Variants in ANO1 observed in about 807,000 individuals in gnomAD.
ANO1 encodes the protein anoctamin-1.
In ANO1, 59 loss-of-function variants were observed where a neutral mutation model predicts 124.0. That is an observed-to-expected ratio of 0.48 (90% CI 0.39 to 0.59). The LOEUF (loss-of-function observed/expected upper bound fraction) is 0.59. Among genes scored for constraint, ANO1 ranks in the 20% least tolerant of loss-of-function variants. ANO1 has a pLI of 0.00. For missense variants in ANO1, 1,059 were observed against 1,328.0 expected, an observed-to-expected ratio of 0.80 and a Z score of 3.15; for synonymous variants, 529 against 532.0, an observed-to-expected ratio of 0.99 and a Z score of 0.08.
the ANO1 span, among the ~76,000 whole-genome samples, chr11:69,968,849 C>T: frequency 8.0e-3 from 1,218 of 152,352 alleles, 12 homozygotes; most frequent in Admixed American, 0.012. Flanking sequence ...AGCCCGCGGA[C>T]TTTGGACCTA....
chr11:70,013,904 C>T (rs868981256), intron 1 of ANO1, among the ~76,000 whole-genome samples: 41 of 151,918 alleles, frequency 2.7e-4, no homozygotes, highest in African/African-American at 2.9e-4. Context: ...GAGGTCAGGG[C>T]GCTGCCAAGC....
intron 2 of ANO1, among the ~76,000 whole-genome samples, chr11:70,094,243 C>T (rs1019814933): frequency 6.6e-6 from 1 of 152,188 alleles, no homozygotes; most frequent in African/African-American, 2.4e-5. Context: ...CGCCCCTGCC[C>T]GCCGCCAGGT....
At chr11:70,086,425 A>C (rs1450523738) in intron 1 of ANO1, among the ~76,000 whole-genome samples, 1 of 152,114 alleles carries the variant, frequency 6.6e-6, no homozygotes, top group Non-Finnish European at 1.5e-5. Flanking sequence ...GGCCCCCTAG[A>C]GTCCTTCAAA....
At chr11:70,049,120 T>C (rs1459247125) in intron 1 of ANO1, among the ~76,000 whole-genome samples, 2 of 152,020 alleles carry the variant, frequency 1.3e-5, no homozygotes, top group African/African-American at 4.8e-5. Flanking sequence ...TAGGTGGAAA[T>C]CTAAGATGCA....
intron 3 of ANO1, among the ~76,000 whole-genome samples, chr11:70,103,487 C>T (rs563625475): frequency 2.0e-5 from 3 of 152,238 alleles, no homozygotes; most frequent in East Asian, 1.9e-4. Context: ...AGTTACAGTT[C>T]GGGCCGTGGT....
intron 1 of ANO1, among the ~76,000 whole-genome samples, chr11:70,066,956 C>T (rs781983372): frequency 3.3e-5 from 5 of 152,224 alleles, no homozygotes; most frequent in Non-Finnish European, 7.4e-5. Flanking sequence ...CTTGAAAAAG[C>T]AGCCCCCCAG....
intron 22 of ANO1, among the ~76,000 whole-genome samples, chr11:70,175,393 C>T (rs890972394): frequency 3.9e-5 from 6 of 152,234 alleles, no homozygotes; most frequent in Admixed American, 6.5e-5. Context: ...TTCTGTGATC[C>T]GTGCAGGGCC....
rs370309197 is a variant in ANO1 at position 70,182,633 on chromosome 11, C to T, written c.2535C>T (p.Asn845=). ...LSSFNVSDFQ[N]GTAPNDPLDL... ...CCTTCAACGTCAGTGACTTCCAGAA[C>T]GGCACGGCCCCCAATGACCCCCTGG... The change falls in exon 24 of 26, where the codon AAC becomes AAT. Residue 845 remains asparagine, a synonymous_variant. Coordinates refer to ENST00000355303, the MANE Select transcript of ANO1 (RefSeq NM_018043.7). 4.3e-5 allele frequency: 69 copies of T among 1,612,750 alleles called. No homozygotes were observed. Among genetic ancestry groups the T allele is most frequent in the African/African-American group, 3.1e-4 (23 of 74,890 alleles).
At chr11:70,123,899 G>A (rs964360758) in intron 8 of ANO1, among the ~76,000 whole-genome samples, 2 of 152,130 alleles carry the variant, frequency 1.3e-5, no homozygotes, top group African/African-American at 4.8e-5. Context: ...GGGTAACAGG[G>A]TGTGTGTCAA....
chr11:70,126,221 C>G, intron 10 of ANO1, 26 bp downstream of exon 10: 2 of 1,605,720 alleles, frequency 1.2e-6, no homozygotes, highest in Non-Finnish European at 1.7e-6. Flanking sequence ...CCCCCACCAC[C>G]CCGCAGTACA....
chr11:70,089,480 G>A (rs1218946405), intron 2 of ANO1, among the ~76,000 whole-genome samples: 1 of 152,202 alleles, frequency 6.6e-6, no homozygotes, highest in Non-Finnish European at 1.5e-5. Context: ...GGCCTCCCTG[G>A]ACCTTGGCCT....
rs535624501 is a variant in ANO1, at chr11:70,155,295, C to T, written c.1426-616C>T. On this transcript the variant is annotated intron_variant, in intron 14 of 25. Coordinates refer to ENST00000355303, the MANE Select transcript of ANO1 (RefSeq NM_018043.7). ...ACAGGGTCCCTCCGCCTCTGTGGCCCGTGGCTTGGTTTCAGCCCAGGCTCT... is the reference window on the plus strand; with the variant it reads ...ACAGGGTCCCTCCGCCTCTGTGGCCTGTGGCTTGGTTTCAGCCCAGGCTCT... Among the ~76,000 whole-genome samples the T allele has an allele frequency of 2.2e-4, 34 of 152,318 alleles. 1 individual carries two copies. The South Asian group carries it at 6.8e-3, about 31-fold the overall frequency.
chr11:70,093,661 CAA>C (rs1009313150), intron 2 of ANO1, among the ~76,000 whole-genome samples: 2 of 152,224 alleles, frequency 1.3e-5, no homozygotes, highest in African/African-American at 4.8e-5. Flanking sequence ...GCCCAGGGCT[CAA>C]GTCTGTACCC....
Position 70,124,428 on chromosome 11 carries a change from A to G in ANO1, c.962+14A>G. On this transcript the variant is annotated intron_variant, in intron 9 of 25. Transcript: ENST00000355303. ...CGACCTGGTCAGGTAAGAACGCGCC[A>G]CAGCCTGCGGGAATCAAGTCCCTAC... 6.2e-7 allele frequency: 1 copy of G among 1,613,420 alleles called. No homozygotes were observed. The highest frequency in any genetic ancestry group is 8.5e-7 in the Non-Finnish European group (1 of 1,179,642).
chr11:70,165,276 C>A (rs963258086), intron 19 of ANO1, 194 bp from the exon 20 acceptor site: 2 of 597,164 alleles, frequency 3.3e-6, no homozygotes, highest in Non-Finnish European at 6.0e-6. Flanking sequence ...CATGAAAACA[C>A]CCTGACTTGA....
At chr11:69,975,941 C>A in the ANO1 span, among the ~76,000 whole-genome samples, 1 of 152,172 alleles carries the variant, frequency 6.6e-6, no homozygotes, top group African/African-American at 2.4e-5. Context: ...CTCGGTGCCC[C>A]CAGCCCTGCC....
At chr11:69,978,908 T>C in the ANO1 span, among the ~76,000 whole-genome samples, 3 of 152,376 alleles carry the variant, frequency 2.0e-5, no homozygotes, top group African/African-American at 7.2e-5. Context: ...CTCTGTCTTA[T>C]TGCCAAGAGT....
chr11:70,132,544 G>A (rs1473976993), intron 11 of ANO1, among the ~76,000 whole-genome samples: 1 of 152,206 alleles, frequency 6.6e-6, no homozygotes, highest in African/African-American at 2.4e-5. Flanking sequence ...GGATAAGGAG[G>A]CGAAGGCCTA....
chr11:70,103,505 T>C (rs530613556), intron 3 of ANO1, among the ~76,000 whole-genome samples: 110 of 152,280 alleles, frequency 7.2e-4, no homozygotes, highest in Non-Finnish European at 1.2e-3. Flanking sequence ...GGTGCTTTCG[T>C]GTTTGTGGCA....
Sources: allele counts gnomAD v4.1 joint callset (sites outside exome capture counted in the v4.1 genomes callset), GRCh38; gene constraint gnomAD v4.1.1; transcripts MANE v1.5; gene names NCBI Gene and HGNC (gene_info 2026-07-23, HGNC 2026-07-21).